Variants in VPS13C observed in about 807,000 individuals in gnomAD.
The protein encoded by VPS13C is vacuolar protein sorting 13 homolog C, also known as intermembrane lipid transfer protein VPS13C.
Under a neutral mutation model 456.8 loss-of-function variants are expected in VPS13C, and 358 were observed. The ratio of observed to expected loss-of-function variants is 0.78; its 90% confidence interval spans 0.72 to 0.86. The LOEUF is 0.86. Among genes scored for constraint, VPS13C ranks in the 40% least tolerant of loss-of-function variants. The probability of loss-of-function intolerance (pLI) is 0.00; values close to 1 mark genes in which losing one functional copy is unlikely to be tolerated. For synonymous variants in VPS13C, 1,578 were observed against 1,486.7 expected, an observed-to-expected ratio of 1.06 and a Z score of -1.41; for missense variants, 4,818 against 4,385.4, an observed-to-expected ratio of 1.10 and a Z score of -2.79.
chr15:62,001,494 ATTAT>A (rs2046613335), intron 15 of VPS13C, among the ~76,000 whole-genome samples: 1 of 151,596 alleles, frequency 6.6e-6, no homozygotes, highest in African/African-American at 2.4e-5. Context: ...ATTTTTTTTG[ATTAT>A]TTGTTTGTTC....
chr15:62,009,603 A>G (rs2046974899), intron 13 of VPS13C, among the ~76,000 whole-genome samples: 1 of 152,170 alleles, frequency 6.6e-6, no homozygotes, highest in Admixed American at 6.5e-5. Context: ...AGTTAATTTC[A>G]CCTTTTTCTT....
intron 39 of VPS13C, among the ~76,000 whole-genome samples, chr15:61,951,310 A>G (rs921193688): frequency 2.0e-5 from 3 of 152,142 alleles, no homozygotes; most frequent in African/African-American, 7.2e-5. Flanking sequence ...TAAAGAACCT[A>G]TAAAATACAT....
intron 71 of VPS13C, 61 bp from the exon 72 acceptor site, chr15:61,881,015 A>T: frequency 7.2e-7 from 1 of 1,384,578 alleles, no homozygotes. Context: ...TTTCAATGTT[A>T]AAACTTTGAT....
At chr15:61,928,960 G>T (rs2043962298) in intron 51 of VPS13C, among the ~76,000 whole-genome samples, 1 of 151,942 alleles carries the variant, frequency 6.6e-6, no homozygotes, top group Non-Finnish European at 1.5e-5. Context: ...AAAAGGGAAA[G>T]AAAATAAAGA....
chr15:61,909,752 T>G (rs1375746211), intron 64 of VPS13C, among the ~76,000 whole-genome samples: 1 of 152,196 alleles, frequency 6.6e-6, no homozygotes, highest in Non-Finnish European at 1.5e-5. Flanking sequence ...TAGTATTCCA[T>G]GGTGTATATG....
chr15:61,864,990 T>C (rs886276308), intron 81 of VPS13C: 22 of 984,394 alleles, frequency 2.2e-5, no homozygotes, highest in Admixed American at 1.2e-4. Flanking sequence ...CTTCAAGCCA[T>C]TGACAGTTTT....
chr15:62,011,114 A>G (rs1196279010), intron 12 of VPS13C, among the ~76,000 whole-genome samples: 8 of 152,172 alleles, frequency 5.3e-5, no homozygotes, highest in Non-Finnish European at 1.5e-5. Context: ...AGAATCAACT[A>G]AAGAAAATAA....
chr15:61,902,256 T>A, intron 66 of VPS13C, among the ~76,000 whole-genome samples: 1 of 146,642 alleles, frequency 6.8e-6, no homozygotes, highest in East Asian at 2.0e-4. Flanking sequence ...AAACTTAAAG[T>A]ATAATAATAA....
intron 15 of VPS13C, among the ~76,000 whole-genome samples, chr15:62,004,919 C>G (rs1245415741): frequency 2.6e-5 from 4 of 152,072 alleles, no homozygotes; most frequent in Non-Finnish European, 2.9e-5. Flanking sequence ...TTTACATTTG[C>G]TGAGGAGAGC....
At chr15:61,980,385 C>T (rs2045845095) in intron 22 of VPS13C, among the ~76,000 whole-genome samples, 1 of 152,078 alleles carries the variant, frequency 6.6e-6, no homozygotes, top group African/African-American at 2.4e-5. Flanking sequence ...TGCCTGTTGA[C>T]TTTCTGGAGG....
intron 53 of VPS13C, among the ~76,000 whole-genome samples, chr15:61,925,191 CA>C (rs1273874980): frequency 2.6e-5 from 4 of 152,038 alleles, no homozygotes; most frequent in East Asian, 1.9e-4. Context: ...ACTCAACCCC[CA>C]CAACACACGC....
chr15:62,012,196 G>T, intron 11 of VPS13C, 32 bp from the exon 12 acceptor site: 1 of 1,233,750 alleles, frequency 8.1e-7, no homozygotes, highest in Non-Finnish European at 1.2e-6. Flanking sequence ...GAATGAAAAA[G>T]AAAATGCACA....
At chr15:61,985,065 C>A in intron 18 of VPS13C, 66 bp from the exon 19 acceptor site, 2 of 1,217,156 alleles carry the variant, frequency 1.6e-6, no homozygotes, top group Middle Eastern at 3.2e-4. Context: ...TTAATAATTT[C>A]TTATTTAAAT....
intron 74 of VPS13C, 111 bp downstream of exon 74, chr15:61,878,496 T>TA: frequency 7.3e-7 from 1 of 1,373,930 alleles, no homozygotes; most frequent in South Asian, 1.4e-5. Context: ...CAAATATAAG[T>TA]AGTAAAGTTA....
chr15:61,967,241 CAG>C (rs2045405450), intron 29 of VPS13C, 125 bp downstream of exon 29: 1 of 746,210 alleles, frequency 1.3e-6, no homozygotes, highest in East Asian at 3.0e-5. Context: ...AAAAAAGAAA[CAG>C]ATTTCCCTCT....
intron 58 of VPS13C, among the ~76,000 whole-genome samples, chr15:61,918,848 C>T (rs1056233913): frequency 1.3e-5 from 2 of 152,000 alleles, no homozygotes; most frequent in East Asian, 1.9e-4. Context: ...AAAATATTTA[C>T]ACAGATTAAG....
chr15:61,882,908 T>C (rs1485689853), intron 68 of VPS13C, among the ~76,000 whole-genome samples, 172 bp from the exon 69 acceptor site: 1 of 152,166 alleles, frequency 6.6e-6, no homozygotes, highest in Non-Finnish European at 1.5e-5. Flanking sequence ...GCACCACTTT[T>C]CTACCAGTTA....
chr15:61,972,504 G>C (rs1186623977), intron 27 of VPS13C, 121 bp downstream of exon 27: 3 of 981,196 alleles, frequency 3.1e-6, no homozygotes, highest in Admixed American at 4.7e-5. Flanking sequence ...ATGTGTGTTG[G>C]GCAGCAGGAA....
intron 42 of VPS13C, among the ~76,000 whole-genome samples, chr15:61,948,303 T>C (rs542728092): frequency 1.2e-4 from 18 of 152,324 alleles, no homozygotes; most frequent in East Asian, 5.8e-4. Context: ...AGGCTATTAA[T>C]GTGACAAGTA....
Sources: allele counts gnomAD v4.1 joint callset (sites outside exome capture counted in the v4.1 genomes callset), GRCh38; gene constraint gnomAD v4.1.1; transcripts MANE v1.5; gene names NCBI Gene and HGNC (gene_info 2026-07-23, HGNC 2026-07-21).